LCA5L: variants seen among roughly 807,000 people sequenced by gnomAD.
LCA5L encodes lebercilin-like protein.
A neutral mutation model predicts 45.4 loss-of-function variants in LCA5L; 35 were observed. The observed-to-expected ratio is 0.77, with a 90% CI of 0.59 to 1.02. The LOEUF (loss-of-function observed/expected upper bound fraction) is 1.02, where lower values mean the gene tolerates loss of function less well. LCA5L is among the 50% of genes least tolerant of loss of function. The pLI is 0.00. For missense variants in LCA5L, 668 were observed against 761.6 expected, an observed-to-expected ratio of 0.88 and a Z score of 1.45; for synonymous variants, 233 against 264.7, an observed-to-expected ratio of 0.88 and a Z score of 1.16.
chr21:39,417,878 G>C (rs1042778617), intron 7 of LCA5L, among the ~76,000 whole-genome samples: 1 of 152,086 alleles, frequency 6.6e-6, no homozygotes, highest in African/African-American at 2.4e-5. Context: ...CCATTCTCCT[G>C]CCTCAGCCTC....
At chr21:39,429,955 C>CA (rs1167031375) in intron 3 of LCA5L, among the ~76,000 whole-genome samples, 3 of 152,148 alleles carry the variant, frequency 2.0e-5, no homozygotes, top group Non-Finnish European at 4.4e-5. Context: ...GCAGAGGTTG[C>CA]AGTGAGCTGT....
chr21:39,421,874 G>A (rs1002160437), intron 6 of LCA5L: 8 of 152,082 alleles, frequency 5.3e-5, no homozygotes, highest in African/African-American at 1.9e-4. Context: ...AGTGCTTTTT[G>A]TATCAAAGAA....
chr21:39,414,742 C>CTCTGTGTG (rs1341489035), intron 7 of LCA5L, among the ~76,000 whole-genome samples: 90 of 99,224 alleles, frequency 9.1e-4, no homozygotes, highest in African/African-American at 3.2e-3. Context: ...CTCTCTCTCT[C>CTCTGTGTG]TGTGTGTGTG....
intron 5 of LCA5L, among the ~76,000 whole-genome samples, chr21:39,423,746 A>T (rs189487161): frequency 6.6e-6 from 1 of 152,358 alleles, no homozygotes; most frequent in African/African-American, 2.4e-5. Context: ...TGGAGATTTT[A>T]CATCATTTGT....
At chr21:39,439,819 G>C (rs1284792749) in intron 2 of LCA5L, 1 of 152,218 alleles carries the variant, frequency 6.6e-6, no homozygotes, top group Non-Finnish European at 1.5e-5. Context: ...GAGTGACAAA[G>C]AGGCGTCAGG....
intron 2 of LCA5L, among the ~76,000 whole-genome samples, chr21:39,440,637 C>A (rs1339655960): frequency 1.3e-5 from 2 of 152,182 alleles, no homozygotes; most frequent in Non-Finnish European, 2.9e-5. Flanking sequence ...AGAAAACTGG[C>A]AGATTTGTGC....
At chr21:39,429,883 T>A (rs1419448078) in intron 3 of LCA5L, among the ~76,000 whole-genome samples, 1 of 151,962 alleles carries the variant, frequency 6.6e-6, no homozygotes, top group East Asian at 1.9e-4. Flanking sequence ...TGGGGTGTGG[T>A]GGTGCACACT....
chr21:39,436,887 C>T (rs2076342205), intron 2 of LCA5L, among the ~76,000 whole-genome samples: 1 of 152,042 alleles, frequency 6.6e-6, no homozygotes, highest in Admixed American at 6.6e-5. Context: ...TTCCTATTGC[C>T]TTCCCCATTT....
chr21:39,444,447 C>G (rs2077208921), intron 1 of LCA5L, among the ~76,000 whole-genome samples: 1 of 152,110 alleles, frequency 6.6e-6, no homozygotes, highest in East Asian at 1.9e-4. Flanking sequence ...TTGCAAAATA[C>G]ATACTGAAAA....
At position 39,445,748 on chromosome 21, in the gene LCA5L, T is replaced by A. The variant is rs1341640957; in HGVS notation, c.-336A>T. On this transcript the variant is annotated 5_prime_UTR_variant, in exon 1 of 11. Coordinates refer to ENST00000288350, the MANE Select transcript of LCA5L (RefSeq NM_152505.4). Reference sequence around the variant, plus strand: ...ACCTGCTCCGCGCTGTTCCCACGACTGCGCCAACGCCGCAGCGCCGGCGCG... The same window carrying A: ...ACCTGCTCCGCGCTGTTCCCACGACAGCGCCAACGCCGCAGCGCCGGCGCG... 6.6e-6 allele frequency: 1 copy of A among 152,310 alleles called. No individual in the cohort carries two copies. Among genetic ancestry groups the A allele is most frequent in the East Asian group, 1.9e-4 (1 of 5,178 alleles). 9.4% of individuals were successfully genotyped at this position (152,310 alleles called of 1,614,324 possible).
rs374211270 is a variant in LCA5L at position 39,420,754 on chromosome 21, A to T, written c.927T>A (p.Ala309=). ...ETRKTLAAQT[A]TKTLQVEVKH... is the part of the protein sequence containing the mutation. ...TTACTTCCACCTGCAGAGTCTTGGT[A>T]GCTGTCTGAGCTGCTAAAGTCTTCC... Residue 309 remains alanine (A), a synonymous_variant, in exon 7 of 11, where the codon GCT becomes GCA. Transcript: ENST00000288350. 45 of 1,613,476 alleles carry T rather than the reference A, an allele frequency of 2.8e-5. No individual in the cohort carries two copies. The highest frequency in any genetic ancestry group is 3.6e-5 in the Non-Finnish European group (43 of 1,179,560).
intron 5 of LCA5L, among the ~76,000 whole-genome samples, chr21:39,426,671 C>G (rs1219315529): frequency 6.6e-6 from 1 of 152,136 alleles, no homozygotes; most frequent in African/African-American, 2.4e-5. Context: ...GTTTTTGTTG[C>G]CAAATCAACT....
intron 5 of LCA5L, 63 bp from the exon 6 acceptor site, chr21:39,423,553 A>G (rs2074097563): frequency 9.6e-6 from 13 of 1,360,056 alleles, no homozygotes; most frequent in Non-Finnish European, 1.1e-5. Context: ...ATATGCACAT[A>G]TGCATAATCT....
chr21:39,427,429 G>A (rs1165785604), intron 5 of LCA5L, among the ~76,000 whole-genome samples: 7 of 152,104 alleles, frequency 4.6e-5, no homozygotes, highest in South Asian at 2.1e-4. Flanking sequence ...TTGGGAGGCC[G>A]AGGCAGGCGG....
intron 10 of LCA5L, among the ~76,000 whole-genome samples, chr21:39,407,514 C>T (rs1387079080): frequency 6.6e-6 from 1 of 152,050 alleles, no homozygotes. Flanking sequence ...TTCACTGTGG[C>T]GTGGGTTAGT....
chr21:39,424,007 A>T (rs1569102352), intron 5 of LCA5L, among the ~76,000 whole-genome samples: 1 of 152,096 alleles, frequency 6.6e-6, no homozygotes, highest in Non-Finnish European at 1.5e-5. Flanking sequence ...CAATTTTTTT[A>T]AATGTTTATT....
intron 10 of LCA5L, among the ~76,000 whole-genome samples, chr21:39,407,285 G>A (rs2039241138): frequency 6.6e-6 from 1 of 152,152 alleles, no homozygotes; most frequent in African/African-American, 2.4e-5. Flanking sequence ...GACACAATGA[G>A]AACATTTTTC....
In LCA5L at chr21:39,410,310, C is replaced by T. The variant is rs1601705029; in HGVS notation, c.1118G>A (p.Arg373Lys). 1 of 1,611,294 alleles carries T rather than the reference C, an allele frequency of 6.2e-7. No individual in the cohort carries two copies. The highest frequency in any genetic ancestry group is 8.5e-7 in the Non-Finnish European group (1 of 1,179,198). Residue 373 changes from arginine to lysine, a missense_variant, in exon 9 of 11, where the codon AGA becomes AAA. Physicochemically the swap from Arg to Lys is conservative, Grantham distance 26. Coordinates refer to ENST00000288350, the MANE Select transcript of LCA5L (RefSeq NM_152505.4). ...DRKILPFTSM[R>K]HQGTQKSDVP... ...ATCTGATTTTTGGGTTCCCTGGTGT[C>T]TCATACTTGTGAATGGCAAAATTTT...
At chr21:39,407,494 T>C (rs2039283085) in intron 10 of LCA5L, among the ~76,000 whole-genome samples, 1 of 152,310 alleles carries the variant, frequency 6.6e-6, no homozygotes, top group Non-Finnish European at 1.5e-5. Flanking sequence ...CAAGGATAAG[T>C]GCAACGATGT....
Sources: gnomAD v4.1 joint callset for allele counts (sites outside exome capture counted in the v4.1 genomes callset) on GRCh38, gnomAD v4.1.1 for gene constraint, MANE v1.5 for transcripts, NCBI Gene and HGNC (gene_info 2026-07-23, HGNC 2026-07-21) for gene names.